RERE: variants seen among roughly 807,000 people sequenced by gnomAD.
The protein encoded by RERE is arginine-glutamic acid dipeptide repeats protein.
In RERE, 40 loss-of-function variants were observed where a neutral mutation model predicts 146.1. That is an observed-to-expected ratio of 0.27 (90% CI 0.21 to 0.36). The LOEUF is 0.36. RERE is among the 10% of genes least tolerant of loss of function. The probability of loss-of-function intolerance (pLI) is 1.00; values close to 1 mark genes in which losing one functional copy is unlikely to be tolerated. For synonymous variants in RERE, 1,003 were observed against 866.0 expected (o/e 1.16, Z -2.78); for missense variants, 1,933 against 2,138.7 (o/e 0.90, Z 1.90).
chr1:8,490,093 T>A (rs1392252493), intron 10 of RERE, among the ~76,000 whole-genome samples: 1 of 149,252 alleles, frequency 6.7e-6, no homozygotes, highest in Non-Finnish European at 1.5e-5. Context: ...ACAGGCGCAG[T>A]GGCTCACGCC....
intron 1 of RERE, among the ~76,000 whole-genome samples, chr1:8,809,157 A>AAAAAAAAAAAAAAAAAAAAAAAAT (rs985140466): frequency 6.2e-5 from 9 of 146,202 alleles, no homozygotes; most frequent in African/African-American, 1.6e-4. Flanking sequence ...AAAAAAAAAA[A>AAAAAAAAAAAAAAAAAAAAAAAAT]AAAGTACTGA....
chr1:8,447,529 A>T (rs941832749), intron 11 of RERE, among the ~76,000 whole-genome samples: 4 of 152,078 alleles, frequency 2.6e-5, no homozygotes, highest in Non-Finnish European at 5.9e-5. Context: ...TCTGTTTATT[A>T]GTTTTCCTTC....
intron 1 of RERE, among the ~76,000 whole-genome samples, chr1:8,738,325 C>T (rs988368740): frequency 6.6e-6 from 1 of 151,976 alleles, no homozygotes; most frequent in South Asian, 2.1e-4. Context: ...CTCTGTCACT[C>T]AGGCTGGAGT....
At chr1:8,531,007 T>TTCTATCTATCTATCTATCTA (rs199738689) in intron 7 of RERE, among the ~76,000 whole-genome samples, 2 of 140,238 alleles carry the variant, frequency 1.4e-5, no homozygotes, top group African/African-American at 2.7e-5. Flanking sequence ...GAACTGAGTT[T>TTCTATCTATCTATCTATCTA]TCTATCTATC....
chr1:8,613,804 G>A lies in RERE; in HGVS notation c.522+757C>T, dbSNP rs1455062433. The stretch of plus-strand genomic sequence containing the variant: ...CAGAATAATAAATACTCGACTTTCA[G>A]AAAACACTACCATTAAATCCTCCAT... On this transcript the variant is annotated intron_variant, in intron 4 of 22. Coordinates refer to ENST00000400908, the MANE Select transcript of RERE (RefSeq NM_001042681.2). Among the ~76,000 whole-genome samples, 11 of 151,956 alleles carry A rather than the reference G, an allele frequency of 7.2e-5. No individual in the cohort carries two copies. In the East Asian group the frequency reaches 2.1e-3, roughly 29 times the overall value.
chr1:8,360,618 C>T lies in RERE; in HGVS notation c.2889G>A (p.Leu963=). 2 of 1,503,110 alleles carry T rather than the reference C, an allele frequency of 1.3e-6. No individual in the cohort carries two copies. The highest frequency in any genetic ancestry group is 1.8e-6 in the Non-Finnish European group (2 of 1,129,428). The allele number at this position is 1,503,110 out of a possible 1,614,324, so 93.1% of individuals were successfully genotyped here. A position where few individuals can be genotyped will look rare whatever the true frequency, so the allele number is the denominator to read the frequency against. ...GPSPFSMNAN[L]PPPPALKPLS... The stretch of plus-strand genomic sequence containing the variant: ...GGGGCTTCAGGGCTGGAGGGGGAGG[C>T]AGGTTGGCATTCATGGAGAAGGGTG... The change falls in exon 18 of 23, where the codon CTG becomes CTA. Residue 963 remains leucine (L), a synonymous_variant. Transcript: ENST00000400908.
At chr1:8,627,849 T>C (rs966920343) in intron 2 of RERE, among the ~76,000 whole-genome samples, 6 of 152,102 alleles carry the variant, frequency 3.9e-5, no homozygotes, top group African/African-American at 1.4e-4. Context: ...TGCCTGTAAA[T>C]ACACTAGGAT....
chr1:8,579,146 C>T (rs995375893), intron 4 of RERE, among the ~76,000 whole-genome samples: 16 of 152,218 alleles, frequency 1.1e-4, no homozygotes, highest in Non-Finnish European at 2.1e-4. Context: ...AGAACCACCA[C>T]GATTAGCACA....
chr1:8,364,045 A>AG lies in RERE; in HGVS notation c.1740+10dup, dbSNP rs750511571. The stretch of plus-strand genomic sequence containing the variant: ...AAGTTGCCAGGAGCCCCATGGCCCC[A>AG]GGGGACTCACCGAGCCCCGACTCCG... On this transcript the variant is annotated intron_variant, in intron 15 of 22. Coordinates refer to ENST00000400908, the MANE Select transcript of RERE (RefSeq NM_001042681.2). This position sits in a 1 kb window ranked among gnomAD's most constrained non-coding sequence, Gnocchi z 5.1. The AG allele has an allele frequency of 6.2e-7, 1 of 1,611,986 alleles. No homozygotes were observed. The highest frequency in any genetic ancestry group is 2.2e-5 in the East Asian group (1 of 44,878).
chr1:8,556,708 G>C (rs1408989599), intron 5 of RERE, 137 bp from the exon 6 acceptor site: 1 of 599,250 alleles, frequency 1.7e-6, no homozygotes, highest in Non-Finnish European at 3.0e-6. Context: ...ATGCAAAATA[G>C]AGAAGAGGAA....
intron 1 of RERE, among the ~76,000 whole-genome samples, chr1:8,714,862 G>C (rs1184033903): frequency 6.6e-6 from 1 of 151,984 alleles, no homozygotes. Context: ...TACAAGAAAT[G>C]TAATTCAATC....
At chr1:8,701,318 ACACACG>A (rs746930714) in intron 1 of RERE, among the ~76,000 whole-genome samples, 14,241 of 51,294 alleles carry the variant, frequency 0.28, 813 homozygotes, top group East Asian at 0.4. Flanking sequence ...ACACACACAC[ACACACG>A]CACACACTCC....
intron 1 of RERE, among the ~76,000 whole-genome samples, chr1:8,685,292 C>T (rs1056249097): frequency 6.6e-6 from 1 of 152,146 alleles, no homozygotes; most frequent in African/African-American, 2.4e-5. Flanking sequence ...TGCTAAATAA[C>T]GGTAAGTAAA....
chr1:8,510,166 C>A (rs945158851), intron 7 of RERE, among the ~76,000 whole-genome samples: 4 of 152,108 alleles, frequency 2.6e-5, no homozygotes, highest in Non-Finnish European at 5.9e-5. Flanking sequence ...CTCCAGCTGG[C>A]GAGGCAGCAT....
chr1:8,762,153 A>C (rs1489899473), intron 1 of RERE, among the ~76,000 whole-genome samples: 3 of 152,128 alleles, frequency 2.0e-5, no homozygotes, highest in Non-Finnish European at 4.4e-5. Context: ...CCTTCCCCTA[A>C]GGAGAGGTCA....
chr1:8,604,628 GGAAGGAAGGAAGGAAGGAAGGAAGGA>G (rs1646678311), intron 4 of RERE, among the ~76,000 whole-genome samples: 4 of 133,408 alleles, frequency 3.0e-5, no homozygotes, highest in African/African-American at 9.7e-5. Flanking sequence ...GAGGGAGGAA[GGAAGGAAGGAAGGAAGGAAGGAAGGA>G]AGGAAGGAAG....
At chr1:8,633,084 T>C (rs1647053029) in intron 2 of RERE, among the ~76,000 whole-genome samples, 1 of 152,196 alleles carries the variant, frequency 6.6e-6, no homozygotes, top group African/African-American at 2.4e-5. Context: ...CATATATTAA[T>C]ATATACTGAA....
chr1:8,522,612 C>G (rs1353639039), intron 7 of RERE, among the ~76,000 whole-genome samples: 1 of 152,112 alleles, frequency 6.6e-6, no homozygotes, highest in Non-Finnish European at 1.5e-5. Flanking sequence ...CGGCTCACAC[C>G]TATAATCCCA....
chr1:8,663,892 T>C (rs1223017365), intron 1 of RERE, among the ~76,000 whole-genome samples: 1 of 152,046 alleles, frequency 6.6e-6, no homozygotes, highest in Non-Finnish European at 1.5e-5. Context: ...CCCCGCCCCT[T>C]TGTCTGTGTA....
Sources: allele counts gnomAD v4.1 joint callset (sites outside exome capture counted in the v4.1 genomes callset), GRCh38; gene constraint gnomAD v4.1.1; non-coding constraint Gnocchi (gnomAD v3.1); transcripts MANE v1.5; gene names NCBI Gene and HGNC (gene_info 2026-07-23, HGNC 2026-07-21).